The following TNFRSF8 variants were observed in gnomAD, a reference collection of about 807,000 sequenced individuals.
TNFRSF8 encodes the protein TNF receptor superfamily member 8.
Under a neutral mutation model 70.8 loss-of-function variants are expected in TNFRSF8, and 26 were observed. That is an observed-to-expected ratio of 0.37 (90% CI 0.27 to 0.51). The LOEUF is 0.51. Among genes scored for constraint, TNFRSF8 ranks in the 20% least tolerant of loss-of-function variants. The probability of loss-of-function intolerance (pLI) is 0.94; values close to 1 mark genes in which losing one functional copy is unlikely to be tolerated. For synonymous variants in TNFRSF8, 356 were observed against 339.2 expected (o/e 1.05, Z -0.54); for missense variants, 720 against 807.9 (o/e 0.89, Z 1.32).
Position 12,063,737 on chromosome 1 carries a change from G to A in TNFRSF8, c.63+76G>A. 1 of 1,218,940 alleles carries A rather than the reference G, an allele frequency of 8.2e-7. No individual in the cohort carries two copies. The highest frequency in any genetic ancestry group is 1.0e-6 in the Non-Finnish European group (1 of 963,020). The allele number at this position is 1,218,940 out of a possible 1,614,324, so 75.5% of individuals were successfully genotyped here. ...CAGTGTGGGGTGCGTGGGACGCAAG[G>A]GAGGACACTCCTCACCCCGTTCCCT... On this transcript the variant is annotated intron_variant, in intron 1 of 14. Transcript: ENST00000263932. This position sits in a 1 kb window ranked among gnomAD's most constrained non-coding sequence, Gnocchi z 7.2.
intron 1 of TNFRSF8, chr1:12,077,965 T>A (rs1427418610): frequency 6.6e-6 from 1 of 152,092 alleles, no homozygotes; most frequent in African/African-American, 2.4e-5. Context: ...TTTTAGTATA[T>A]GTGCTATCGA....
chr1:12,067,194 G>A (rs1640757357), intron 1 of TNFRSF8, among the ~76,000 whole-genome samples: 1 of 152,166 alleles, frequency 6.6e-6, no homozygotes, highest in African/African-American at 2.4e-5. Context: ...GGCACCATGT[G>A]GTGGGGTTGC....
chr1:12,103,398 G>A (rs1200161648), intron 3 of TNFRSF8, among the ~76,000 whole-genome samples: 1 of 151,884 alleles, frequency 6.6e-6, no homozygotes, highest in African/African-American at 2.4e-5. Context: ...GCAGTTTTAG[G>A]TTTACAGGAA....
At chr1:12,069,458 G>C (rs1187258067) in intron 1 of TNFRSF8, among the ~76,000 whole-genome samples, 1 of 152,098 alleles carries the variant, frequency 6.6e-6, no homozygotes, top group African/African-American at 2.4e-5. Flanking sequence ...GGGAATACAG[G>C]GGTGAGCCAC....
At chr1:12,097,778 A>G (rs921643268) in intron 3 of TNFRSF8, among the ~76,000 whole-genome samples, 15 of 151,568 alleles carry the variant, frequency 9.9e-5, no homozygotes, top group South Asian at 6.2e-4. Context: ...ATTTGTTGAG[A>G]TCTTTTTGTG....
At chr1:12,118,588 G>A (rs765250692) in intron 8 of TNFRSF8, among the ~76,000 whole-genome samples, 1 of 152,168 alleles carries the variant, frequency 6.6e-6, no homozygotes, top group Non-Finnish European at 1.5e-5. Context: ...AAAAATTCAC[G>A]AAGTCGTTAC....
chr1:12,115,570 C>A lies in TNFRSF8; in HGVS notation c.794-7C>A. 3 of 1,614,178 alleles carry A rather than the reference C, an allele frequency of 1.9e-6. No homozygotes were observed. The highest frequency in any genetic ancestry group is 2.5e-6 in the Non-Finnish European group (3 of 1,180,004). On this transcript the variant is annotated splice_polypyrimidine_tract_variant and splice_region_variant and intron_variant, in intron 7 of 14. Transcript: ENST00000263932. ...CTTTCTCCGTGATCCTCATCTGTGT[C>A]CCTTAGATGACCTTGTGGAGAAGAC...
intron 1 of TNFRSF8, among the ~76,000 whole-genome samples, chr1:12,064,614 A>C (rs1640706446): frequency 6.6e-6 from 1 of 152,162 alleles, no homozygotes; most frequent in South Asian, 2.1e-4. Context: ...CTACAGGAAG[A>C]GAGGACTCCA....
At chr1:12,127,486 G>A (rs1641963441) in intron 12 of TNFRSF8, among the ~76,000 whole-genome samples, 1 of 152,224 alleles carries the variant, frequency 6.6e-6, no homozygotes, top group Admixed American at 6.5e-5. Flanking sequence ...GTCCACCATC[G>A]CAATGCCTAC....
chr1:12,140,613 C>T (rs1159966090), intron 14 of TNFRSF8, among the ~76,000 whole-genome samples: 3 of 152,206 alleles, frequency 2.0e-5, no homozygotes, highest in African/African-American at 7.2e-5. Context: ...CTGAAGTTTC[C>T]AGACCCCTCT....
At chr1:12,086,148 C>A (rs558433314) in intron 2 of TNFRSF8, among the ~76,000 whole-genome samples, 2 of 152,224 alleles carry the variant, frequency 1.3e-5, no homozygotes, top group South Asian at 4.1e-4. Flanking sequence ...TGGAGCTGCG[C>A]GGGAACCCAG....
chr1:12,078,512 C>T (rs542894612), intron 1 of TNFRSF8, among the ~76,000 whole-genome samples: 50 of 152,188 alleles, frequency 3.3e-4, no homozygotes, highest in African/African-American at 7.0e-4. Context: ...TGCAGTGAGC[C>T]GAGATCGCAC....
At chr1:12,091,285 G>A (rs183082104) in intron 2 of TNFRSF8, among the ~76,000 whole-genome samples, 151 of 152,332 alleles carry the variant, frequency 9.9e-4, no homozygotes, top group Non-Finnish European at 1.8e-3. Context: ...TAGGGAAGTG[G>A]CAGACGGAAG....
In TNFRSF8 at chr1:12,142,448, C is replaced by T. The variant is rs1157988852; in HGVS notation, c.1705C>T (p.Leu569=). ...CCCCGAGCAGGAGACAGAACCGCCT[C>T]TGGGCAGCTGCAGCGATGTCATGCT... ...HYPEQETEPP[L]GSCSDVMLSV... The change falls in exon 15 of 15, where the codon CTG becomes TTG. Residue 569 remains leucine, a synonymous_variant. Transcript: ENST00000263932. This position sits in a 1 kb window ranked among gnomAD's most constrained non-coding sequence, Gnocchi z 5.0. The T allele has an allele frequency of 6.2e-7, 1 of 1,612,618 alleles. No individual in the cohort carries two copies. Among genetic ancestry groups the T allele is most frequent in the Non-Finnish European group, 8.5e-7 (1 of 1,179,498 alleles).
chr1:12,064,806 C>T (rs1640709149), intron 1 of TNFRSF8, among the ~76,000 whole-genome samples: 1 of 152,168 alleles, frequency 6.6e-6, no homozygotes, highest in Admixed American at 6.5e-5. Flanking sequence ...AAAGCCCTGG[C>T]TAGAGACACC....
intron 13 of TNFRSF8, among the ~76,000 whole-genome samples, chr1:12,137,608 T>A (rs997585970): frequency 6.6e-6 from 1 of 151,486 alleles, no homozygotes; most frequent in Non-Finnish European, 1.5e-5. Flanking sequence ...ATTAATAATA[T>A]ACATGAATTT....
chr1:12,082,457 A>G (rs1193694855), intron 1 of TNFRSF8, among the ~76,000 whole-genome samples: 2 of 151,386 alleles, frequency 1.3e-5, no homozygotes, highest in Non-Finnish European at 2.9e-5. Flanking sequence ...GAGGCGAAAG[A>G]GAGGACTATT....
chr1:12,101,621 A>T (rs1159220031), intron 3 of TNFRSF8, among the ~76,000 whole-genome samples: 1 of 152,152 alleles, frequency 6.6e-6, no homozygotes, highest in Non-Finnish European at 1.5e-5. Flanking sequence ...GTGCTACGAC[A>T]TTGCCGTGGC....
chr1:12,126,187 C>T lies in TNFRSF8; in HGVS notation c.1260C>T (p.Leu420=). ...TTCCTCCTGGTGTCGTTTCAGAGCT[C>T]CACCTGTGCTACCCGGTCCAGACCT... The part of the protein sequence containing the change: ...RACRKRIRQK[L]HLCYPVQTSQ... The change falls in exon 12 of 15, where the codon CTC becomes CTT. Residue 420 remains leucine, a synonymous_variant. Coordinates refer to ENST00000263932, the MANE Select transcript of TNFRSF8 (RefSeq NM_001243.5). 1 of 1,614,138 alleles carries T rather than the reference C, an allele frequency of 6.2e-7. No homozygotes were observed. The highest frequency in any genetic ancestry group is 8.5e-7 in the Non-Finnish European group (1 of 1,180,030).
Sources: allele counts gnomAD v4.1 joint callset (sites outside exome capture counted in the v4.1 genomes callset), GRCh38; gene constraint gnomAD v4.1.1; non-coding constraint Gnocchi (gnomAD v3.1); transcripts MANE v1.5; gene names NCBI Gene and HGNC (gene_info 2026-07-23, HGNC 2026-07-21).